TLCD4: variants seen among roughly 807,000 people sequenced by gnomAD.
The protein encoded by TLCD4 is TLC domain-containing protein 4.
A neutral mutation model predicts 24.2 loss-of-function variants in TLCD4; 7 were observed. The ratio of observed to expected loss-of-function variants is 0.29; its 90% CI spans 0.16 to 0.54. The LOEUF (loss-of-function observed/expected upper bound fraction) is 0.54, where lower values mean the gene tolerates loss of function less well. Ranked by LOEUF, TLCD4 falls within the 20% of genes least tolerant of loss-of-function variation. TLCD4 has a pLI of 0.95. For synonymous variants in TLCD4, 103 were observed against 106.4 expected (o/e 0.97, Z 0.20); for missense variants, 259 against 313.9 (o/e 0.82, Z 1.32).
rs1679091161 is a variant in TLCD4, at chr1:95,193,497, C to G, written c.*1629C>G. 6.6e-6 allele frequency: 1 copy of G among 152,000 alleles called. No individual in the cohort carries two copies. The highest frequency in any genetic ancestry group is 1.9e-4 in the East Asian group (1 of 5,190). The allele number at this position is 152,000 out of a possible 1,614,324, so 9.4% of individuals were successfully genotyped here. On this transcript the variant is annotated 3_prime_UTR_variant, in exon 7 of 7. Transcript: ENST00000370203. ...ATACTTGAAATTAATTGAACTCATA[C>G]CAAAAGATGTAATCCAGTTTCTCAG...
chr1:95,098,094 T>C, the TLCD4 span, among the ~76,000 whole-genome samples: 4 of 152,314 alleles, frequency 2.6e-5, no homozygotes, highest in South Asian at 4.1e-4. Context: ...ATCAGATCTA[T>C]ATAGCACAAT....
At chr1:95,157,641 G>A (rs926441831) in intron 5 of TLCD4, among the ~76,000 whole-genome samples, 9 of 152,178 alleles carry the variant, frequency 5.9e-5, no homozygotes, top group African/African-American at 1.9e-4. Flanking sequence ...TGGCAGTTGA[G>A]GCTGGAATTA....
At chr1:95,151,253 G>T in intron 4 of TLCD4, 72 bp from the exon 5 acceptor site, 2 of 1,484,268 alleles carry the variant, frequency 1.3e-6, no homozygotes, top group Non-Finnish European at 9.3e-7. Context: ...GCAGGAGAAA[G>T]AGTTCAATAC....
chr1:95,172,068 C>G (rs1159333337), intron 5 of TLCD4, among the ~76,000 whole-genome samples: 1 of 152,216 alleles, frequency 6.6e-6, no homozygotes, highest in Non-Finnish European at 1.5e-5. Context: ...AGAACAGATT[C>G]TTCCCTAGTT....
chr1:95,149,706 A>G (rs1174532228), intron 3 of TLCD4, among the ~76,000 whole-genome samples: 1 of 152,134 alleles, frequency 6.6e-6, no homozygotes, highest in Non-Finnish European at 1.5e-5. Context: ...TAACGTGACC[A>G]TCAGCAAAAT....
At chr1:95,134,911 A>G (rs879547471) in intron 1 of TLCD4, among the ~76,000 whole-genome samples, 2 of 152,078 alleles carry the variant, frequency 1.3e-5, no homozygotes, top group Non-Finnish European at 2.9e-5. Flanking sequence ...TCCTATTACA[A>G]CCATGCCAGG....
chr1:95,151,236 T>G, intron 4 of TLCD4, 89 bp from the exon 5 acceptor site: 98 of 1,292,354 alleles, frequency 7.6e-5, no homozygotes, highest in East Asian at 1.2e-4. Context: ...TGGACAGTGA[T>G]GAGTTGGCAG....
chr1:95,148,681 G>T, intron 2 of TLCD4, 21 bp from the exon 3 acceptor site: 1 of 1,611,688 alleles, frequency 6.2e-7, no homozygotes, highest in Middle Eastern at 1.7e-4. Context: ...AAATCTTTGT[G>T]TGTATTTTGT....
intron 5 of TLCD4, among the ~76,000 whole-genome samples, chr1:95,154,534 G>A (rs555689184): frequency 1.9e-4 from 29 of 152,068 alleles, no homozygotes; most frequent in Non-Finnish European, 3.8e-4. Flanking sequence ...AAATAACTGG[G>A]TTGCCAGTGG....
At chr1:95,099,073 A>AAAAAAAAAAAAAAAAC in the TLCD4 span, among the ~76,000 whole-genome samples, 2 of 145,808 alleles carry the variant, frequency 1.4e-5, no homozygotes, top group Non-Finnish European at 3.0e-5. Flanking sequence ...AAAAAAAAAA[A>AAAAAAAAAAAAAAAAC]AAGAACAGGG....
intron 1 of TLCD4, among the ~76,000 whole-genome samples, chr1:95,124,545 CA>C (rs1289538086): frequency 1.3e-5 from 2 of 152,132 alleles, no homozygotes; most frequent in Non-Finnish European, 2.9e-5. Context: ...CAGTGCTAGC[CA>C]GGGGTATCAT....
chr1:95,139,680 G>C (rs1233228526), intron 1 of TLCD4, among the ~76,000 whole-genome samples: 1 of 151,706 alleles, frequency 6.6e-6, no homozygotes, highest in African/African-American at 2.4e-5. Context: ...GGCTGGTCTC[G>C]AACACTTGAC....
chr1:95,129,601 G>A (rs1289310002), intron 1 of TLCD4, among the ~76,000 whole-genome samples: 1 of 152,190 alleles, frequency 6.6e-6, no homozygotes, highest in African/African-American at 2.4e-5. Context: ...AATTAGCCGG[G>A]TATGGTGGTG....
intron 5 of TLCD4, among the ~76,000 whole-genome samples, chr1:95,161,189 T>A (rs1350512053): frequency 6.6e-6 from 1 of 152,206 alleles, no homozygotes; most frequent in East Asian, 1.9e-4. Flanking sequence ...GAGCCTGTTA[T>A]TGGTCTATTC....
chr1:95,190,518 G>A (rs537727346), intron 6 of TLCD4, among the ~76,000 whole-genome samples: 4 of 152,052 alleles, frequency 2.6e-5, no homozygotes, highest in African/African-American at 9.6e-5. Flanking sequence ...TAGTAGAGAC[G>A]GGGTTTCACT....
chr1:95,188,529 G>A (rs997651101), intron 6 of TLCD4, among the ~76,000 whole-genome samples: 10 of 151,800 alleles, frequency 6.6e-5, no homozygotes, highest in Admixed American at 3.3e-4. Flanking sequence ...GCAGTTATTC[G>A]GAACAGATTT....
intron 1 of TLCD4, among the ~76,000 whole-genome samples, chr1:95,132,253 G>A (rs2100917707): frequency 6.6e-6 from 1 of 152,104 alleles, no homozygotes; most frequent in South Asian, 2.1e-4. Context: ...CCAGGAGTTC[G>A]AGACCAGCCC....
At position 95,191,736 on chromosome 1, in the gene TLCD4, C is replaced by A. The variant is rs766256024; in HGVS notation, c.660C>A (p.Val220=). The A allele has an allele frequency of 3.1e-6, 5 of 1,613,948 alleles. No individual in the cohort carries two copies. The Admixed American group carries it at 8.3e-5, about 27-fold the overall frequency. ...RLGVLIQLSW[V]ISCVVLDVMN... Reference sequence around the variant, plus strand: ...GAGTTTTAATCCAGTTATCCTGGGTCATTAGTTGTGTTGTTTTGGATGTGA... The same window carrying A: ...GAGTTTTAATCCAGTTATCCTGGGTAATTAGTTGTGTTGTTTTGGATGTGA... Residue 220 remains valine (V), a synonymous_variant, in exon 7 of 7, where the codon GTC becomes GTA. Transcript: ENST00000370203.
Position 95,196,570 on chromosome 1 carries a change from A to G in TLCD4, c.*4702A>G, listed in dbSNP as rs892974874. On this transcript the variant is annotated 3_prime_UTR_variant, in exon 7 of 7. Coordinates refer to ENST00000370203, the MANE Select transcript of TLCD4 (RefSeq NM_152487.3). The stretch of plus-strand genomic sequence containing the variant: ...GAAGAATTGAAAGCAGCTCCTAAAG[A>G]TTGGTTTGTTTGCTTTGAAAATGTT... 3 of 152,192 alleles carry G rather than the reference A, an allele frequency of 2.0e-5. No homozygotes were observed. Among genetic ancestry groups the G allele is most frequent in the Non-Finnish European group, 4.4e-5 (3 of 68,028 alleles). 9.4% of individuals were successfully genotyped at this position (152,192 alleles called of 1,614,324 possible). A position where few individuals can be genotyped will look rare whatever the true frequency, so the allele number is the denominator to read the frequency against.
Sources: allele counts gnomAD v4.1 joint callset (sites outside exome capture counted in the v4.1 genomes callset), GRCh38; gene constraint gnomAD v4.1.1; transcripts MANE v1.5; gene names NCBI Gene and HGNC (gene_info 2026-07-23, HGNC 2026-07-21).